The following ZNG1A variants were observed in gnomAD, a reference collection of about 807,000 sequenced individuals.
The protein encoded by ZNG1A is Zn regulated GTPase metalloprotein activator 1A, also known as zinc-regulated GTPase metalloprotein activator 1A.
chr9:174,687 A>C, the ZNG1A span, among the ~76,000 whole-genome samples: 2 of 151,050 alleles, frequency 1.3e-5, no homozygotes, highest in South Asian at 2.1e-4. Flanking sequence ...TGTTCATAAA[A>C]CCTAGCTCTT....
chr9:141,920 C>T, the ZNG1A span, among the ~76,000 whole-genome samples: 7 of 151,472 alleles, frequency 4.6e-5, no homozygotes, highest in Non-Finnish European at 7.4e-5. Context: ...GACTTTCAAC[C>T]AACAAAGATC....
At chr9:163,872 A>G in the ZNG1A span, 1 of 1,059,092 alleles carries the variant, frequency 9.4e-7, no homozygotes, top group South Asian at 1.4e-5. Context: ...AGCCGAGATC[A>G]TGCCACTGCA....
the ZNG1A span, among the ~76,000 whole-genome samples, chr9:159,075 A>C: frequency 6.6e-6 from 1 of 151,258 alleles, no homozygotes. Flanking sequence ...CCACCTGTAT[A>C]AGTAAATGAA....
At chr9:125,012 A>T in the ZNG1A span, among the ~76,000 whole-genome samples, 1 of 152,208 alleles carries the variant, frequency 6.6e-6, no homozygotes, top group African/African-American at 2.4e-5. Flanking sequence ...GTGCTGCTAT[A>T]AACATGCGTG....
chr9:154,782 C>G, the ZNG1A span: 1 of 1,581,770 alleles, frequency 6.3e-7, no homozygotes, highest in South Asian at 1.1e-5. Context: ...ATGGCATCTG[C>G]CAAAGCAACT....
chr9:121,891 G>A, the ZNG1A span: 1 of 1,603,812 alleles, frequency 6.2e-7, no homozygotes, highest in Non-Finnish European at 8.5e-7. Flanking sequence ...ATCTGTTTAA[G>A]TGGCACATGA....
At chr9:172,488 A>G in the ZNG1A span, 1 of 241,034 alleles carries the variant, frequency 4.1e-6, no homozygotes, top group African/African-American at 2.3e-5. Context: ...ATACAAAATA[A>G]TGATAAAATG....
chr9:171,689 G>A, the ZNG1A span: 1 of 250,336 alleles, frequency 4.0e-6, no homozygotes, highest in Non-Finnish European at 7.7e-6. Context: ...TTTTATGTAA[G>A]GGACTTGAAC....
the ZNG1A span, among the ~76,000 whole-genome samples, chr9:125,038 C>A: frequency 3.9e-5 from 6 of 152,156 alleles, no homozygotes; most frequent in African/African-American, 1.4e-4. Context: ...GTATCTTTTT[C>A]GTATAATGAC....
the ZNG1A span, among the ~76,000 whole-genome samples, chr9:155,979 A>T: frequency 6.6e-6 from 1 of 150,846 alleles, no homozygotes; most frequent in Admixed American, 6.6e-5. Flanking sequence ...AAATAAAAAA[A>T]AAATGCAAAA....
the ZNG1A span, chr9:161,656 T>G: frequency 7.8e-7 from 1 of 1,275,100 alleles, no homozygotes; most frequent in South Asian, 1.2e-5. Flanking sequence ...GTATTTCACT[T>G]GGGAAGTTGA....
At chr9:123,940 C>T in the ZNG1A span, among the ~76,000 whole-genome samples, 3 of 151,838 alleles carry the variant, frequency 2.0e-5, no homozygotes, top group Admixed American at 2.0e-4. Context: ...CTACCCAGAG[C>T]CAGGAATAAA....
chr9:149,168 T>C, the ZNG1A span: 1 of 151,634 alleles, frequency 6.6e-6, no homozygotes, highest in Non-Finnish European at 1.5e-5. Flanking sequence ...GTATTTCCTA[T>C]ACCTCGGAGA....
the ZNG1A span, chr9:123,760 C>A: frequency 2.2e-6 from 1 of 458,834 alleles, no homozygotes; most frequent in Non-Finnish European, 4.0e-6. Flanking sequence ...CGTGGATTCT[C>A]AGCAATAAGA....
chr9:160,267 T>A, the ZNG1A span: 3 of 442,356 alleles, frequency 6.8e-6, no homozygotes, highest in Non-Finnish European at 1.4e-5. Context: ...TTCTCAGCTT[T>A]ACTTGTGATG....
At chr9:141,209 C>G in the ZNG1A span, among the ~76,000 whole-genome samples, 1 of 133,318 alleles carries the variant, frequency 7.5e-6, no homozygotes, top group Non-Finnish European at 1.6e-5. Context: ...AGATACTCCT[C>G]GAGAAGAGCA....
the ZNG1A span, among the ~76,000 whole-genome samples, chr9:156,154 C>CATAT: frequency 7.5e-5 from 10 of 134,128 alleles, 1 homozygote; most frequent in African/African-American, 2.2e-4. Flanking sequence ...TATTATTATA[C>CATAT]ATATATATAT....
At chr9:160,019 T>C in the ZNG1A span, 2 of 454,046 alleles carry the variant, frequency 4.4e-6, no homozygotes, top group African/African-American at 2.0e-5. Context: ...GGTAACTTCA[T>C]TCATTGCTTC....
the ZNG1A span, among the ~76,000 whole-genome samples, chr9:125,163 T>A: frequency 6.6e-6 from 1 of 152,162 alleles, no homozygotes; most frequent in East Asian, 1.9e-4. Context: ...CTAGTTTACA[T>A]TCCCACCAGC....
Sources: allele counts gnomAD v4.1 joint callset (sites outside exome capture counted in the v4.1 genomes callset), GRCh38; gene constraint gnomAD v4.1.1; transcripts MANE v1.5; gene names NCBI Gene and HGNC (gene_info 2026-07-23, HGNC 2026-07-21).